The following KDM4C variants were observed in gnomAD, a reference collection of about 807,000 sequenced individuals.
KDM4C encodes the protein lysine demethylase 4C.
KDM4C carries 81 observed loss-of-function variants against 129.3 expected under a neutral mutation model. The observed-to-expected ratio is 0.63, with a 90% CI of 0.52 to 0.75. KDM4C has a LOEUF of 0.75. Among genes scored for constraint, KDM4C ranks in the 30% least tolerant of loss-of-function variants. KDM4C has a pLI of 0.00. For synonymous variants in KDM4C, 573 were observed against 456.1 expected, an observed-to-expected ratio of 1.26 and a Z score of -3.26; for missense variants, 1,457 against 1,304.0, an observed-to-expected ratio of 1.12 and a Z score of -1.81.
chr9:7,050,455 A>AAAAAAAAAT, intron 17 of KDM4C, among the ~76,000 whole-genome samples: 1 of 149,444 alleles, frequency 6.7e-6, no homozygotes, highest in African/African-American at 2.4e-5. Context: ...AAAAAAAAAA[A>AAAAAAAAAT]GACACCAAAA....
At chr9:6,908,377 C>T (rs1164901911) in intron 8 of KDM4C, among the ~76,000 whole-genome samples, 1 of 152,178 alleles carries the variant, frequency 6.6e-6, no homozygotes, top group Non-Finnish European at 1.5e-5. Context: ...CAGACAGGCA[C>T]ACACAGTACA....
At chr9:7,023,275 T>A (rs1021025210) in intron 15 of KDM4C, among the ~76,000 whole-genome samples, 2 of 152,178 alleles carry the variant, frequency 1.3e-5, no homozygotes, top group Non-Finnish European at 2.9e-5. Flanking sequence ...CCTAGGCTTT[T>A]CTTTACTGGG....
At chr9:7,156,987 A>G (rs1203550519) in intron 19 of KDM4C, among the ~76,000 whole-genome samples, 1 of 152,252 alleles carries the variant, frequency 6.6e-6, no homozygotes, top group Non-Finnish European at 1.5e-5. Context: ...ATCCATGAGC[A>G]TGGAATGTTC....
intron 8 of KDM4C, among the ~76,000 whole-genome samples, chr9:6,903,886 A>G (rs1031338424): frequency 3.3e-5 from 5 of 152,200 alleles, no homozygotes; most frequent in African/African-American, 9.7e-5. Context: ...AATCTACACA[A>G]TGTTATTCAA....
At chr9:6,920,610 A>AAATAGGTTATTGGAGGTGGAGG (rs1821333466) in intron 8 of KDM4C, among the ~76,000 whole-genome samples, 1 of 152,160 alleles carries the variant, frequency 6.6e-6, no homozygotes, top group African/African-American at 2.4e-5. Context: ...CATCCTGACA[A>AAATAGGTTATTGGAGGTGGAGG]AATAGGTTAT....
At chr9:6,727,626 C>A (rs1817181320) in intron 1 of KDM4C, among the ~76,000 whole-genome samples, 1 of 60,792 alleles carries the variant, frequency 1.6e-5, no homozygotes, top group South Asian at 4.6e-4. Context: ...AGTGTTGTAA[C>A]TTTCCAAGTA....
Position 6,955,669 on chromosome 9 carries a change from T to C in KDM4C, c.922-25256T>C, listed in dbSNP as rs139926932. On this transcript the variant is annotated intron_variant, in intron 8 of 21. Coordinates refer to ENST00000381309, the MANE Select transcript of KDM4C (RefSeq NM_015061.6). ...TTGAAATTTTTTCAGCTTTTCCCTTTCTTCTTATGTAAAATAGTTATAATC... is the reference window on the plus strand; with the variant it reads ...TTGAAATTTTTTCAGCTTTTCCCTTCCTTCTTATGTAAAATAGTTATAATC... 4.4e-3 allele frequency among the ~76,000 whole-genome samples: 671 copies of C among 152,342 alleles called. 8 individuals are homozygous for C. Among genetic ancestry groups the C allele is most frequent in the Non-Finnish European group, 4.2e-3 (288 of 68,038 alleles).
chr9:6,783,274 C>A (rs530251479), intron 1 of KDM4C, among the ~76,000 whole-genome samples: 2 of 152,048 alleles, frequency 1.3e-5, no homozygotes. Context: ...TCAGTGCTGG[C>A]CACAAAGAGG....
At chr9:6,781,366 C>T (rs1824300818) in intron 1 of KDM4C, among the ~76,000 whole-genome samples, 1 of 150,448 alleles carries the variant, frequency 6.6e-6, no homozygotes, top group Non-Finnish European at 1.5e-5. Context: ...CTGATCAATA[C>T]ATAATCTTGT....
chr9:6,789,865 A>G (rs1826195453), intron 1 of KDM4C, among the ~76,000 whole-genome samples: 1 of 152,054 alleles, frequency 6.6e-6, no homozygotes, highest in East Asian at 1.9e-4. Context: ...ATGTGTTAAT[A>G]TATTTTTGTG....
intron 3 of KDM4C, among the ~76,000 whole-genome samples, chr9:6,809,371 A>G (rs560205169): frequency 2.1e-4 from 32 of 152,322 alleles, no homozygotes; most frequent in African/African-American, 7.7e-4. Context: ...AGTATAAACT[A>G]TTGACTGTTT....
intron 5 of KDM4C, among the ~76,000 whole-genome samples, chr9:6,867,694 T>C (rs1012377653): frequency 1.3e-5 from 2 of 152,232 alleles, no homozygotes; most frequent in Non-Finnish European, 2.9e-5. Flanking sequence ...TCCAATTTCT[T>C]CATTACTTAC....
chr9:7,023,665 G>A (rs73401803), intron 15 of KDM4C, among the ~76,000 whole-genome samples: 2,471 of 151,822 alleles, frequency 0.016, 54 homozygotes, highest in African/African-American at 0.051. Flanking sequence ...ATTGTTTTTC[G>A]TCTAATTTTG....
chr9:7,046,833 C>G, intron 15 of KDM4C, 29 bp from the exon 16 acceptor site: 1 of 1,525,494 alleles, frequency 6.6e-7, no homozygotes. Context: ...TGGGTCTGGT[C>G]ATCATGTGGT....
At chr9:6,746,735 G>A (rs1449614549) in intron 1 of KDM4C, among the ~76,000 whole-genome samples, 3 of 150,758 alleles carry the variant, frequency 2.0e-5, no homozygotes, top group East Asian at 2.0e-4. Flanking sequence ...CAGGCCAGGC[G>A]CGGTGGCTCA....
intron 1 of KDM4C, among the ~76,000 whole-genome samples, chr9:6,780,354 A>T (rs1199665832): frequency 8.4e-6 from 1 of 119,106 alleles, no homozygotes. Flanking sequence ...TGTGGGAATT[A>T]TAACAGTAAA....
chr9:7,076,407 T>C, intron 17 of KDM4C: 1 of 1,504,096 alleles, frequency 6.6e-7, no homozygotes, highest in Non-Finnish European at 9.1e-7. Context: ...CATATTGGAC[T>C]TTTAAAATTT....
At chr9:6,765,432 C>G (rs1367807269) in intron 1 of KDM4C, among the ~76,000 whole-genome samples, 1 of 152,166 alleles carries the variant, frequency 6.6e-6, no homozygotes, top group African/African-American at 2.4e-5. Flanking sequence ...TAATGATGAG[C>G]TGTCTTAATT....
rs114496616 is a variant in KDM4C at position 6,764,756 on chromosome 9, G to A, written c.-18+6553G>A. Among the ~76,000 whole-genome samples, 800 of 152,312 alleles carry A rather than the reference G, an allele frequency of 5.3e-3. 7 individuals are homozygous for A. The highest frequency in any genetic ancestry group is 0.018 in the African/African-American group (760 of 41,570). ...TGGGTGGATATTTAAGGAGCACAAT[G>A]ATGAGTCATCAAAGCCTTTGTGCTA... is the stretch of plus-strand genomic sequence containing the variant. On this transcript the variant is annotated intron_variant, in intron 1 of 21. Transcript: ENST00000381309.
Sources: gnomAD v4.1 joint callset for allele counts (sites outside exome capture counted in the v4.1 genomes callset) on GRCh38, gnomAD v4.1.1 for gene constraint, MANE v1.5 for transcripts, NCBI Gene and HGNC (gene_info 2026-07-23, HGNC 2026-07-21) for gene names.